NBL1: variants seen among roughly 807,000 people sequenced by gnomAD.
NBL1 encodes neuroblastoma suppressor of tumorigenicity 1.
Under a neutral mutation model 16.0 loss-of-function variants are expected in NBL1, and 9 were observed. That is an observed-to-expected ratio of 0.56 (90% CI 0.34 to 0.98). NBL1 has a LOEUF of 0.98. NBL1 is among the 50% of genes least tolerant of loss of function. The pLI is 0.02. For synonymous variants in NBL1, 86 were observed against 100.7 expected, an observed-to-expected ratio of 0.85 and a Z score of 0.87; for missense variants, 196 against 243.1, an observed-to-expected ratio of 0.81 and a Z score of 1.29.
At position 19,645,789 on chromosome 1, in the gene NBL1, G is replaced by T. The variant is rs1047423259; in HGVS notation, c.-20+1343G>T. 2.8e-6 allele frequency: 4 copies of T among 1,428,716 alleles called. No individual in the cohort carries two copies. In the Admixed American group the frequency reaches 7.2e-5, roughly 26 times the overall value. The allele number at this position is 1,428,716 out of a possible 1,614,324, so 88.5% of individuals were successfully genotyped here. ...CTGTGTTTTGGAGGGGTGGACAGGG[G>T]AGTAGGTGTTCTGCATCGGCCAGGG... On this transcript the variant is annotated intron_variant, in intron 1 of 3. Coordinates refer to ENST00000375136, the MANE Select transcript of NBL1 (RefSeq NM_005380.8).
intron 3 of NBL1, 53 bp downstream of exon 3, chr1:19,655,488 C>T (rs1558367354): frequency 5.0e-6 from 8 of 1,586,506 alleles, no homozygotes; most frequent in Non-Finnish European, 6.0e-6. Flanking sequence ...CTGCCCCAGC[C>T]TTGGCCTTTC....
chr1:19,648,775 C>T (rs1375814481), intron 1 of NBL1, among the ~76,000 whole-genome samples: 7 of 34,000 alleles, frequency 2.1e-4, no homozygotes, highest in East Asian at 1.4e-3. Context: ...TTGGGAGTGG[C>T]GGGTGGGTGG....
chr1:19,645,181 T>G (rs2094971390), intron 1 of NBL1, among the ~76,000 whole-genome samples: 1 of 151,834 alleles, frequency 6.6e-6, no homozygotes, highest in Non-Finnish European at 1.5e-5. Flanking sequence ...CGGCAAACCC[T>G]CCCCCTGCCT....
chr1:19,655,503 C>A, intron 3 of NBL1, 68 bp downstream of exon 3: 3 of 1,545,626 alleles, frequency 1.9e-6, no homozygotes, highest in Non-Finnish European at 2.6e-6. Flanking sequence ...CCTTTCTCCC[C>A]AGGCTCCTGT....
intron 1 of NBL1, among the ~76,000 whole-genome samples, chr1:19,647,051 A>G (rs2094984981): frequency 6.6e-6 from 1 of 152,204 alleles, no homozygotes; most frequent in Admixed American, 6.5e-5. Flanking sequence ...ATTAACTATG[A>G]TGGGCGATCT....
chr1:19,651,909 T>G (rs2100424827), intron 1 of NBL1, among the ~76,000 whole-genome samples: 1 of 152,212 alleles, frequency 6.6e-6, no homozygotes, highest in African/African-American at 2.4e-5. Context: ...AATATTTTAT[T>G]TTATTTTATT....
intron 1 of NBL1, among the ~76,000 whole-genome samples, chr1:19,654,504 T>C (rs1450842580): frequency 6.6e-6 from 1 of 152,158 alleles, no homozygotes; most frequent in Non-Finnish European, 1.5e-5. Context: ...CAAGGAGACA[T>C]GGTGTGTGGC....
chr1:19,656,483 G>A (rs907850969), intron 3 of NBL1, among the ~76,000 whole-genome samples: 2 of 151,916 alleles, frequency 1.3e-5, no homozygotes, highest in Non-Finnish European at 2.9e-5. Flanking sequence ...CACAGGATTG[G>A]TAAGAGTGGT....
chr1:19,645,178 C>T (rs1485075863), intron 1 of NBL1, among the ~76,000 whole-genome samples: 2 of 152,266 alleles, frequency 1.3e-5, no homozygotes, highest in South Asian at 4.1e-4. Context: ...GTGCGGCAAA[C>T]CCTCCCCCTG....
intron 1 of NBL1, among the ~76,000 whole-genome samples, chr1:19,649,347 A>AATTATTATT (rs36030380): frequency 1.5e-4 from 22 of 148,664 alleles, no homozygotes; most frequent in Non-Finnish European, 2.4e-4. Flanking sequence ...GCTGCCATAA[A>AATTATTATT]ATTATTATTA....
upstream of NBL1, chr1:19,643,278 G>C: frequency 6.2e-7 from 1 of 1,604,870 alleles, no homozygotes; most frequent in Non-Finnish European, 8.5e-7. This position sits in a 1 kb window ranked among gnomAD's most constrained non-coding sequence, Gnocchi z 4.7. Context: ...AGTACACCAG[G>C]GAGTTCCCAG....
intron 1 of NBL1, among the ~76,000 whole-genome samples, chr1:19,646,406 G>A (rs1246352448): frequency 6.6e-6 from 1 of 152,202 alleles, no homozygotes; most frequent in Admixed American, 6.5e-5. Context: ...GAAAGCCAAT[G>A]TATGAGCTTT....
intron 1 of NBL1, chr1:19,645,816 T>G: frequency 6.8e-7 from 1 of 1,461,546 alleles, no homozygotes; most frequent in East Asian, 2.6e-5. Flanking sequence ...CGGCCAGGGA[T>G]ATCGCCTCAT....
At chr1:19,647,878 T>TGTGC (rs1553313282) in intron 1 of NBL1, among the ~76,000 whole-genome samples, 19 of 144,516 alleles carry the variant, frequency 1.3e-4, no homozygotes, top group African/African-American at 5.2e-4. Flanking sequence ...TGTGTGTGTG[T>TGTGC]GTGTGCGTGT....
chr1:19,652,857 G>A (rs938395717), intron 1 of NBL1, among the ~76,000 whole-genome samples: 5 of 152,034 alleles, frequency 3.3e-5, no homozygotes, highest in African/African-American at 9.7e-5. Flanking sequence ...GTGTGGTGGC[G>A]AATGCCTGTA....
chr1:19,647,127 A>G (rs1392896450), intron 1 of NBL1, among the ~76,000 whole-genome samples: 1 of 152,140 alleles, frequency 6.6e-6, no homozygotes, highest in Non-Finnish European at 1.5e-5. Flanking sequence ...GGATATTAGC[A>G]CTGTCCCCAC....
rs140910882 is a variant in NBL1, at chr1:19,647,387, C to T, written c.-20+2941C>T. ...GCTGATGTGAGCTATGATTGTGCCA[C>T]CGCGCTCCAGCCTGGGTAACAGAGT... On this transcript the variant is annotated intron_variant, in intron 1 of 3. Coordinates refer to ENST00000375136, the MANE Select transcript of NBL1 (RefSeq NM_005380.8). 6.9e-3 allele frequency among the ~76,000 whole-genome samples: 1,044 copies of T among 152,270 alleles called. 11 individuals are homozygous for T. Among genetic ancestry groups the T allele is most frequent in the Admixed American group, 0.011 (170 of 15,276 alleles).
chr1:19,654,980 G>A (rs1282507670), intron 1 of NBL1, 32 bp from the exon 2 acceptor site: 1 of 1,532,868 alleles, frequency 6.5e-7, no homozygotes. Flanking sequence ...GCACCTTGCT[G>A]TGCCTCACCT....
At position 19,655,320 on chromosome 1, in the gene NBL1, A is replaced by G; in HGVS notation, c.171-4A>G. 6.2e-7 allele frequency: 1 copy of G among 1,613,892 alleles called. No individual in the cohort carries two copies. The highest frequency in any genetic ancestry group is 1.7e-4 in the Middle Eastern group (1 of 6,060). Reference sequence around the variant, plus strand: ...CACAGGCATGGTGACCTCTCCTCCCACAGGGCGTGCCTAGGACAGTGCTTC... The same window carrying G: ...CACAGGCATGGTGACCTCTCCTCCCGCAGGGCGTGCCTAGGACAGTGCTTC... On this transcript the variant is annotated splice_polypyrimidine_tract_variant and splice_region_variant and intron_variant, in intron 2 of 3. Transcript: ENST00000375136.
Sources: allele counts gnomAD v4.1 joint callset (sites outside exome capture counted in the v4.1 genomes callset), GRCh38; gene constraint gnomAD v4.1.1; non-coding constraint Gnocchi (gnomAD v3.1); transcripts MANE v1.5; gene names NCBI Gene and HGNC (gene_info 2026-07-23, HGNC 2026-07-21).